Variants in AK7 observed in about 807,000 individuals in gnomAD.
AK7 encodes the protein adenylate kinase 7.
A neutral mutation model predicts 96.6 loss-of-function variants in AK7; 78 were observed. The ratio of observed to expected loss-of-function variants is 0.81; its 90% CI spans 0.67 to 0.97. AK7 has a LOEUF of 0.97. AK7 is among the 50% of genes least tolerant of loss of function. AK7 has a pLI of 0.00. For synonymous variants in AK7, 302 were observed against 317.2 expected (o/e 0.95, Z 0.51); for missense variants, 855 against 887.9 (o/e 0.96, Z 0.47).
chr14:96,392,250 C>T lies in AK7; in HGVS notation c.96C>T (p.Asn32=), dbSNP rs1054513781. 1.2e-6 allele frequency: 2 copies of T among 1,612,406 alleles called. No individual in the cohort carries two copies. The highest frequency in any genetic ancestry group is 1.1e-5 in the South Asian group (1 of 91,046). ...INLLDSYSSG[N]IGKFLSNCVV... is the part of the protein sequence containing the mutation. ...TGTTGGATTCCTACAGCAGCGGAAA[C>T]ATCGGGAAGGTGAGCGGCGGCGGCG... The change falls in exon 1 of 18, where the codon AAC becomes AAT. Residue 32 remains asparagine (N), a synonymous_variant. Transcript: ENST00000267584.
At chr14:96,400,432 A>G (rs1183813268) in intron 2 of AK7, among the ~76,000 whole-genome samples, 1 of 152,224 alleles carries the variant, frequency 6.6e-6, no homozygotes, top group East Asian at 1.9e-4. Context: ...CGCATGTAAT[A>G]GAAAACAGAG....
chr14:96,418,322 T>TAAACAAAAAAAAAAAAAAAAAAAAAAAAA (rs1891467443), intron 4 of AK7, among the ~76,000 whole-genome samples: 1 of 41,820 alleles, frequency 2.4e-5, no homozygotes, highest in African/African-American at 8.4e-5. Context: ...AGACCTTGTC[T>TAAACAAAAAAAAAAAAAAAAAAAAAAAAA]AAAAAAAAAA....
At chr14:96,442,046 G>A (rs1231000287) in intron 6 of AK7, among the ~76,000 whole-genome samples, 1 of 152,144 alleles carries the variant, frequency 6.6e-6, no homozygotes, top group Non-Finnish European at 1.5e-5. Context: ...GTGGTCTACT[G>A]TGACCCCTAC....
intron 6 of AK7, among the ~76,000 whole-genome samples, chr14:96,438,434 G>A (rs1322814535): frequency 6.6e-6 from 1 of 152,330 alleles, no homozygotes; most frequent in African/African-American, 2.4e-5. Context: ...TGTGACATTT[G>A]AGTAGGAAGG....
chr14:96,442,762 A>G lies in AK7; in HGVS notation c.723A>G (p.Pro241=). Residue 241 remains proline (P), a synonymous_variant, in exon 7 of 18, where the codon CCA becomes CCG. Coordinates refer to ENST00000267584, the MANE Select transcript of AK7 (RefSeq NM_152327.5). ...MAWLGEIPAL[P]VFGDGTNVIP... ...GGTTGGGCGAGATTCCTGCATTACC[A>G]GTTTTTGGCGATGGAACAAATGTAA... The G allele has an allele frequency of 1.2e-6, 2 of 1,614,198 alleles. No homozygotes were observed. Among genetic ancestry groups the G allele is most frequent in the Non-Finnish European group, 1.7e-6 (2 of 1,180,034 alleles).
chr14:96,454,503 G>T (rs1016999444), intron 10 of AK7, among the ~76,000 whole-genome samples: 1 of 151,420 alleles, frequency 6.6e-6, no homozygotes, highest in Non-Finnish European at 1.5e-5. Context: ...ATTGAGACAG[G>T]GTGTTGCTCT....
chr14:96,442,961 G>T lies in AK7; in HGVS notation c.779+143G>T, dbSNP rs1893039658. The T allele has an allele frequency of 5.7e-6, 4 of 707,790 alleles. No individual in the cohort carries two copies. In the Admixed American group the frequency reaches 1.1e-4, roughly 19 times the overall value. 43.8% of individuals were successfully genotyped at this position (707,790 alleles called of 1,614,324 possible). ...TTCTTCGTAACAACCCTATGCAGAAGGTACCGTCTTCTCCATTTTGCATCT... is the reference window on the plus strand; with the variant it reads ...TTCTTCGTAACAACCCTATGCAGAATGTACCGTCTTCTCCATTTTGCATCT... On this transcript the variant is annotated intron_variant, in intron 7 of 17. Transcript: ENST00000267584.
chr14:96,485,456 G>A (rs1895715500), intron 16 of AK7, among the ~76,000 whole-genome samples: 1 of 152,172 alleles, frequency 6.6e-6, no homozygotes, highest in Non-Finnish European at 1.5e-5. Context: ...GCTCCTGTCT[G>A]TGTCTCAGTT....
At chr14:96,450,320 A>G (rs551505629) in intron 9 of AK7, among the ~76,000 whole-genome samples, 176 of 151,936 alleles carry the variant, frequency 1.2e-3, no homozygotes, top group Non-Finnish European at 1.7e-3. Context: ...GGAGGCTGAG[A>G]CAGGAGAATC....
At chr14:96,425,741 C>G (rs1418879696) in intron 5 of AK7, among the ~76,000 whole-genome samples, 1 of 152,164 alleles carries the variant, frequency 6.6e-6, no homozygotes, top group Non-Finnish European at 1.5e-5. Flanking sequence ...GCCTCGGCCT[C>G]CCAAAGTGCT....
At chr14:96,458,000 T>C in intron 11 of AK7, 83 bp from the exon 12 acceptor site, 1 of 1,562,284 alleles carries the variant, frequency 6.4e-7, no homozygotes, top group South Asian at 1.2e-5. Context: ...CCCAAGCTTT[T>C]TCCAGGATCA....
intron 15 of AK7, among the ~76,000 whole-genome samples, chr14:96,481,499 A>T (rs1379918694): frequency 6.6e-6 from 1 of 151,866 alleles, no homozygotes; most frequent in Non-Finnish European, 1.5e-5. Flanking sequence ...GGTGTATGCC[A>T]CATGCCCAGC....
chr14:96,463,592 C>T (rs1008965382), intron 12 of AK7, among the ~76,000 whole-genome samples: 4 of 150,840 alleles, frequency 2.7e-5, no homozygotes, highest in Non-Finnish European at 5.9e-5. Flanking sequence ...TGGTGGCGGG[C>T]GCCTGTAGTC....
chr14:96,482,300 G>A (rs1018462238), intron 15 of AK7, among the ~76,000 whole-genome samples: 1 of 152,176 alleles, frequency 6.6e-6, no homozygotes, highest in Non-Finnish European at 1.5e-5. Context: ...CTATGAATGG[G>A]CGTGGGGTAA....
intron 15 of AK7, among the ~76,000 whole-genome samples, chr14:96,480,461 A>G (rs991061559): frequency 1.3e-5 from 2 of 152,102 alleles, no homozygotes; most frequent in African/African-American, 2.4e-5. Flanking sequence ...AAAACAATTT[A>G]TAAATCTGCA....
At chr14:96,436,170 G>A (rs764477688) in intron 5 of AK7, among the ~76,000 whole-genome samples, 2 of 152,078 alleles carry the variant, frequency 1.3e-5, no homozygotes, top group African/African-American at 4.8e-5. Context: ...AGGTGTTTGG[G>A]GGCAAGAAAT....
At chr14:96,432,526 G>A (rs747524547) in intron 5 of AK7, among the ~76,000 whole-genome samples, 3 of 152,048 alleles carry the variant, frequency 2.0e-5, no homozygotes. Flanking sequence ...GGCTGTTAGC[G>A]GTTTTTCCTT....
chr14:96,436,819 T>C (rs939186046), intron 5 of AK7, among the ~76,000 whole-genome samples: 1 of 152,044 alleles, frequency 6.6e-6, no homozygotes, highest in African/African-American at 2.4e-5. Flanking sequence ...GTGGCTACTG[T>C]GCATTTCACC....
At chr14:96,433,635 G>A (rs964304002) in intron 5 of AK7, among the ~76,000 whole-genome samples, 10 of 152,152 alleles carry the variant, frequency 6.6e-5, no homozygotes, top group African/African-American at 9.7e-5. Flanking sequence ...TTAGCTCGGA[G>A]AAGTTTGTTA....
Sources: allele counts gnomAD v4.1 joint callset (sites outside exome capture counted in the v4.1 genomes callset), GRCh38; gene constraint gnomAD v4.1.1; transcripts MANE v1.5; gene names NCBI Gene and HGNC (gene_info 2026-07-23, HGNC 2026-07-21).